Variants in SYNJ2 observed in about 807,000 individuals in gnomAD.
SYNJ2 encodes the protein polyphosphatidylinositol phosphatase SYNJ2.
SYNJ2 carries 116 observed loss-of-function variants against 141.3 expected under a neutral mutation model. That is an observed-to-expected ratio of 0.82 (90% confidence interval 0.71 to 0.96). The LOEUF is 0.96. SYNJ2 is among the 40% of genes least tolerant of loss of function. The pLI, the probability that SYNJ2 is intolerant of heterozygous loss-of-function variation, is 0.00. For synonymous variants in SYNJ2, 745 were observed against 777.7 expected, an observed-to-expected ratio of 0.96 and a Z score of 0.70; for missense variants, 1,873 against 1,934.8, an observed-to-expected ratio of 0.97 and a Z score of 0.60.
In SYNJ2 at chr6:158,086,848, C is replaced by T. The variant is rs185268115; in HGVS notation, c.3209-7C>T. The T allele has an allele frequency of 9.3e-6, 15 of 1,611,488 alleles. No individual in the cohort carries two copies. In the South Asian group the frequency reaches 1.4e-4, roughly 15 times the overall value. On this transcript the variant is annotated splice_region_variant and splice_polypyrimidine_tract_variant and intron_variant, in intron 22 of 26. Transcript: ENST00000355585. ...CCATTGTACTCATGCCCCGCCATGT[C>T]CTCCAGATGACGCGGACCTGGTGGA...
intron 3 of SYNJ2, among the ~76,000 whole-genome samples, chr6:158,029,571 A>G (rs2010836): frequency 0.37 from 55,743 of 151,170 alleles, 10,449 homozygotes; most frequent in Middle Eastern, 0.49. Context: ...TCTCAAAGAA[A>G]AAGAAAGAAA....
In SYNJ2 at chr6:158,007,728, C is replaced by T. The variant is rs550239643; in HGVS notation, c.128-9476C>T. 1.4e-4 allele frequency among the ~76,000 whole-genome samples: 22 copies of T among 152,246 alleles called. No homozygotes were observed. In the South Asian group the frequency reaches 1.9e-3, roughly 13 times the overall value. On this transcript the variant is annotated intron_variant, in intron 1 of 26. Transcript: ENST00000355585. Reference sequence around the variant, plus strand: ...CGTGACCATGGCTCCCTGCAACCTCCGCCTCCCAGGTTTAAGCAATTTTCC... The same window carrying T: ...CGTGACCATGGCTCCCTGCAACCTCTGCCTCCCAGGTTTAAGCAATTTTCC...
At chr6:158,033,790 T>A in intron 4 of SYNJ2, 110 bp downstream of exon 4, 2 of 1,122,238 alleles carry the variant, frequency 1.8e-6, no homozygotes, top group Non-Finnish European at 2.5e-6. Context: ...TGTGGTGGTC[T>A]CTGATCAGGC....
intron 19 of SYNJ2, 25 bp downstream of exon 19, chr6:158,081,352 G>T: frequency 6.2e-7 from 1 of 1,612,408 alleles, no homozygotes; most frequent in Non-Finnish European, 8.5e-7. Context: ...GGCTGATGTG[G>T]GTTCCAGGGG....
At chr6:157,983,952 T>C (rs1046669399) in intron 1 of SYNJ2, among the ~76,000 whole-genome samples, 5 of 152,042 alleles carry the variant, frequency 3.3e-5, no homozygotes, top group African/African-American at 1.2e-4. Flanking sequence ...CTCAGCCTCC[T>C]GAGTAGCTGG....
intron 1 of SYNJ2, among the ~76,000 whole-genome samples, chr6:157,983,433 G>A (rs1248458381): frequency 6.6e-6 from 1 of 152,150 alleles, no homozygotes; most frequent in African/African-American, 2.4e-5. Flanking sequence ...TTCCATTTTA[G>A]ATGTCTACTT....
At chr6:158,079,325 C>T (rs923601973) in intron 18 of SYNJ2, 1 of 151,508 alleles carries the variant, frequency 6.6e-6, no homozygotes, top group African/African-American at 2.4e-5. Flanking sequence ...TCAGTTTCAA[C>T]TTTTACAAGG....
chr6:158,017,654 G>A (rs574793156), intron 2 of SYNJ2: 53 of 452,492 alleles, frequency 1.2e-4, no homozygotes, highest in South Asian at 7.6e-4. Flanking sequence ...ACCTCAGGTG[G>A]TCCACCTGCC....
At position 157,982,860 on chromosome 6, in the gene SYNJ2, G is replaced by T. The variant is rs1261527456; in HGVS notation, c.127+772G>T. On this transcript the variant is annotated intron_variant, in intron 1 of 26. Transcript: ENST00000355585. The surrounding 1 kb of genome is among the most constrained non-coding windows in gnomAD (Gnocchi z 4.0). Reference sequence around the variant, plus strand: ...CCATCCACCTGACTTTTATGTGGCTGTTTCTGTAATGTCATTCAATGCGTG... The same window carrying T: ...CCATCCACCTGACTTTTATGTGGCTTTTTCTGTAATGTCATTCAATGCGTG... 6.6e-6 allele frequency among the ~76,000 whole-genome samples: 1 copy of T among 152,240 alleles called. No individual in the cohort carries two copies. Among genetic ancestry groups the T allele is most frequent in the African/African-American group, 2.4e-5 (1 of 41,470 alleles).
chr6:158,033,661 A>G lies in SYNJ2; in HGVS notation c.692A>G (p.Asn231Ser). The G allele has an allele frequency of 6.2e-7, 1 of 1,610,556 alleles. No homozygotes were observed. The highest frequency in any genetic ancestry group is 8.5e-7 in the Non-Finnish European group (1 of 1,179,416). Residue 231 changes from asparagine to serine, a missense_variant, in exon 4 of 27, where the codon AAC (asparagine) becomes AGC (serine). Asn to Ser is a conservative substitution (Grantham distance 46). Coordinates refer to ENST00000355585, the MANE Select transcript of SYNJ2 (RefSeq NM_003898.4). ...GTGAACGACGACGGCCATGTGTCCA[A>G]CTTCGTGGAGACAGAGCAGGTGAGT... ...RGVNDDGHVS[N>S]FVETEQMIYM...
intron 12 of SYNJ2, 74 bp from the exon 13 acceptor site, chr6:158,068,572 AC>A (rs1781709288): frequency 9.8e-6 from 15 of 1,538,064 alleles, no homozygotes; most frequent in Non-Finnish European, 1.3e-5. Context: ...GGGAGAGGGC[AC>A]TGGGGAGCCC....
chr6:158,077,491 C>T (rs968971918), intron 17 of SYNJ2, among the ~76,000 whole-genome samples: 3 of 151,966 alleles, frequency 2.0e-5, no homozygotes, highest in Non-Finnish European at 2.9e-5. Flanking sequence ...TACACTTTTA[C>T]CTGCTTAAAG....
rs189042527 is a variant in SYNJ2, at chr6:158,075,165, C to T, written c.2292+427C>T. On this transcript the variant is annotated intron_variant, in intron 16 of 26. Coordinates refer to ENST00000355585, the MANE Select transcript of SYNJ2 (RefSeq NM_003898.4). ...CAGGCTGGTCTCGAACTCCTGGCCT[C>T]AGGTGATCTGTGCGCCTCAGCCTCC... is the stretch of plus-strand genomic sequence containing the variant. 6.6e-3 allele frequency among the ~76,000 whole-genome samples: 990 copies of T among 150,758 alleles called. 13 individuals carry two copies. The highest frequency in any genetic ancestry group is 0.023 in the African/African-American group (950 of 41,164).
chr6:158,090,227 A>T (rs1425810180), intron 25 of SYNJ2, among the ~76,000 whole-genome samples: 1 of 152,256 alleles, frequency 6.6e-6, no homozygotes, highest in Non-Finnish European at 1.5e-5. Context: ...TTTTTAAAAA[A>T]GGTGAATGCT....
At chr6:158,082,406 G>T (rs2128390005) in intron 20 of SYNJ2, among the ~76,000 whole-genome samples, 1 of 131,228 alleles carries the variant, frequency 7.6e-6, no homozygotes, top group South Asian at 2.4e-4. Flanking sequence ...AGAATCACTT[G>T]AACCCAGGAG....
Position 158,078,314 on chromosome 6 carries a change from G to A in SYNJ2, c.2567+33G>A, listed in dbSNP as rs373617656. On this transcript the variant is annotated intron_variant, in intron 18 of 26. Transcript: ENST00000355585. ...CCTGACTTCCATGGCGTTTTCTCCT[G>A]TGCTGGGCAAGGCAGCGTCTCCCTC... is the stretch of plus-strand genomic sequence containing the variant. 3.9e-5 allele frequency: 58 copies of A among 1,479,810 alleles called. No individual in the cohort carries two copies. In the African/African-American group the frequency reaches 5.3e-4, roughly 13 times the overall value. The allele number at this position is 1,479,810 out of a possible 1,614,324, so 91.7% of individuals were successfully genotyped here. A position where few individuals can be genotyped will look rare whatever the true frequency, so the allele number is the denominator to read the frequency against.
At chr6:158,023,633 C>T (rs184889346) in intron 2 of SYNJ2, among the ~76,000 whole-genome samples, 2 of 152,278 alleles carry the variant, frequency 1.3e-5, no homozygotes, top group African/African-American at 2.4e-5. Context: ...GGTCTCCCTG[C>T]TTCCATGTTA....
intron 1 of SYNJ2, among the ~76,000 whole-genome samples, chr6:158,008,310 G>T (rs1281372246): frequency 4.6e-5 from 7 of 152,226 alleles, no homozygotes; most frequent in Non-Finnish European, 8.8e-5. Flanking sequence ...ATCTTTTCCA[G>T]AGTCTTACTG....
chr6:158,017,405 C>CAT, intron 2 of SYNJ2, 115 bp downstream of exon 2: 2 of 599,278 alleles, frequency 3.3e-6, no homozygotes, highest in Non-Finnish European at 4.6e-6. Context: ...TCTCTCTCTT[C>CAT]TTTTTTTTTT....
Sources: gnomAD v4.1 joint callset for allele counts (sites outside exome capture counted in the v4.1 genomes callset) on GRCh38, gnomAD v4.1.1 for gene constraint, Gnocchi (gnomAD v3.1) non-coding constraint, MANE v1.5 for transcripts, NCBI Gene and HGNC (gene_info 2026-07-23, HGNC 2026-07-21) for gene names.